The following ADAMTSL1 variants were observed in gnomAD, a reference collection of about 807,000 sequenced individuals.
The protein encoded by ADAMTSL1 is ADAMTS-like protein 1.
A neutral mutation model predicts 201.8 loss-of-function variants in ADAMTSL1; 126 were observed. The ratio of observed to expected loss-of-function variants is 0.62; its 90% confidence interval spans 0.54 to 0.72. The LOEUF (loss-of-function observed/expected upper bound fraction) is 0.72, where lower values mean the gene tolerates loss of function less well. Among genes scored for constraint, ADAMTSL1 ranks in the 30% least tolerant of loss-of-function variants. ADAMTSL1 has a pLI of 0.00. For synonymous variants in ADAMTSL1, 1,121 were observed against 903.4 expected (o/e 1.24, Z -4.32); for missense variants, 2,679 against 2,277.8 (o/e 1.18, Z -3.59).
chr9:18,397,685 C>A (rs922210783), intron 2 of ADAMTSL1, among the ~76,000 whole-genome samples: 1 of 152,056 alleles, frequency 6.6e-6, no homozygotes, highest in Non-Finnish European at 1.5e-5. Flanking sequence ...TAGGACATAC[C>A]ACAATTTCAG....
intron 15 of ADAMTSL1, among the ~76,000 whole-genome samples, chr9:18,726,897 C>G (rs562851459): frequency 1.3e-5 from 2 of 152,342 alleles, no homozygotes; most frequent in Admixed American, 6.5e-5. Flanking sequence ...TGCCCTCCCC[C>G]TGCCCCAGCC....
At chr9:18,471,015 G>A (rs573951325), upstream of ADAMTSL1, among the ~76,000 whole-genome samples, 3 of 152,296 alleles carry the variant, frequency 2.0e-5, no homozygotes, top group Admixed American at 6.5e-5. Flanking sequence ...CTCAGATGCC[G>A]TAAGTGGCCT....
At chr9:18,061,145 A>T (rs914322744) in intron 1 of ADAMTSL1, among the ~76,000 whole-genome samples, 2 of 152,186 alleles carry the variant, frequency 1.3e-5, no homozygotes, top group African/African-American at 4.8e-5. Flanking sequence ...TAGAAAAAAG[A>T]GCCATGACTT....
At chr9:18,159,685 T>G (rs1469349795) in intron 1 of ADAMTSL1, among the ~76,000 whole-genome samples, 2 of 151,984 alleles carry the variant, frequency 1.3e-5, no homozygotes, top group Non-Finnish European at 2.9e-5. Flanking sequence ...AGGGGAAATT[T>G]TTATCTTTTA....
intron 1 of ADAMTSL1, among the ~76,000 whole-genome samples, chr9:18,100,763 C>G (rs999585912): frequency 6.6e-6 from 1 of 152,184 alleles, no homozygotes; most frequent in Non-Finnish European, 1.5e-5. Context: ...CACTTCATAC[C>G]TTACCAGGAT....
In ADAMTSL1 at chr9:18,504,929, ACT is replaced by A. The variant is rs770264028; in HGVS notation, c.169_170del (p.Leu57GlufsTer10). 6.2e-7 allele frequency: 1 copy of A among 1,610,524 alleles called. No homozygotes were observed. The highest frequency in any genetic ancestry group is 1.3e-5 in the African/African-American group (1 of 74,604). On this transcript the variant is annotated frameshift_variant, in exon 2 of 29. Coordinates refer to ENST00000380548, the MANE Select transcript of ADAMTSL1 (RefSeq NM_001040272.6). LOFTEE classifies it high-confidence loss of function. ...CGCACCTGCGGGGGTGGGGCCTCCTACTCTCTGAGGCGCTGCCTGAGCAGCAA... is the reference window on the plus strand; with the variant it reads ...CGCACCTGCGGGGGTGGGGCCTCCTACTCTGAGGCGCTGCCTGAGCAGCAA...
At chr9:18,432,395 G>A (rs1016006062) in intron 2 of ADAMTSL1, among the ~76,000 whole-genome samples, 5 of 152,152 alleles carry the variant, frequency 3.3e-5, no homozygotes, top group Admixed American at 1.3e-4. Context: ...AGAATCTTAT[G>A]TAGCTTACAT....
chr9:18,346,821 C>T (rs937016434), intron 2 of ADAMTSL1, among the ~76,000 whole-genome samples: 5 of 152,158 alleles, frequency 3.3e-5, no homozygotes, highest in African/African-American at 4.8e-5. Flanking sequence ...TACCACCACA[C>T]CCTGCCTCTT....
intron 1 of ADAMTSL1, among the ~76,000 whole-genome samples, chr9:18,160,466 G>GT (rs1827333891): frequency 6.6e-6 from 1 of 151,918 alleles, no homozygotes; most frequent in Non-Finnish European, 1.5e-5. Flanking sequence ...TCATGCTTCT[G>GT]TTTTCTCTCT....
intron 1 of ADAMTSL1, among the ~76,000 whole-genome samples, chr9:18,027,989 A>G (rs1820773393): frequency 6.6e-6 from 1 of 152,048 alleles, no homozygotes; most frequent in African/African-American, 2.4e-5. Flanking sequence ...CTTTTTTACT[A>G]TTCTTGGTTT....
rs552326782 is a variant in ADAMTSL1 at position 17,941,777 on chromosome 9, A to G, written c.87+34855A>G. 2.6e-5 allele frequency among the ~76,000 whole-genome samples: 4 copies of G among 152,300 alleles called. No individual in the cohort carries two copies. The South Asian group carries it at 8.3e-4, about 32-fold the overall frequency. On this transcript the variant is annotated intron_variant, in intron 1 of 29. Transcript: ENST00000680146. ...TTGTAGACTTGTTGGCTTACAAGCAACAGAAATTTATTTCTCACAGTTCTA... is the reference window on the plus strand; with the variant it reads ...TTGTAGACTTGTTGGCTTACAAGCAGCAGAAATTTATTTCTCACAGTTCTA...
At chr9:18,700,817 T>C (rs1341147015) in intron 13 of ADAMTSL1, among the ~76,000 whole-genome samples, 1 of 152,198 alleles carries the variant, frequency 6.6e-6, no homozygotes, top group Non-Finnish European at 1.5e-5. Flanking sequence ...TTGTTAATGA[T>C]AAGATTTTTA....
intron 5 of ADAMTSL1, among the ~76,000 whole-genome samples, chr9:18,627,365 A>T (rs1826456860): frequency 1.3e-5 from 2 of 152,206 alleles, no homozygotes. Flanking sequence ...ATGGCTAATA[A>T]TGTTAACATC....
chr9:18,751,502 G>A (rs930524756), intron 15 of ADAMTSL1, among the ~76,000 whole-genome samples: 2 of 152,166 alleles, frequency 1.3e-5, no homozygotes, highest in African/African-American at 4.8e-5. Context: ...TTGTTCTGGA[G>A]GCAATTAAAT....
chr9:18,101,368 T>G (rs942402566), intron 1 of ADAMTSL1, among the ~76,000 whole-genome samples: 1 of 151,740 alleles, frequency 6.6e-6, no homozygotes, highest in Non-Finnish European at 1.5e-5. Context: ...CGTGGTGGCA[T>G]GTGCCTGTAA....
intron 1 of ADAMTSL1, among the ~76,000 whole-genome samples, chr9:18,045,715 C>T (rs1241622270): frequency 1.3e-5 from 2 of 151,498 alleles, no homozygotes; most frequent in East Asian, 3.9e-4. Context: ...ATGGATCAGG[C>T]TATCTGGCTT....
At chr9:18,262,389 G>A (rs959668773) in intron 2 of ADAMTSL1, among the ~76,000 whole-genome samples, 3 of 152,168 alleles carry the variant, frequency 2.0e-5, no homozygotes, top group Non-Finnish European at 2.9e-5. Flanking sequence ...TCAAGAGAAC[G>A]TGAAAATCCA....
intron 7 of ADAMTSL1, among the ~76,000 whole-genome samples, chr9:18,649,435 C>T (rs557774693): frequency 6.6e-6 from 1 of 152,232 alleles, no homozygotes; most frequent in African/African-American, 2.4e-5. Context: ...TGGTGAGGAG[C>T]TGCATTCCTT....
At chr9:18,210,363 A>G (rs984825041) in intron 2 of ADAMTSL1, among the ~76,000 whole-genome samples, 3 of 144,430 alleles carry the variant, frequency 2.1e-5, no homozygotes, top group Admixed American at 7.2e-5. Context: ...AGCTTTAAAT[A>G]GAAGTCAAAG....
Sources: gnomAD v4.1 joint callset for allele counts (sites outside exome capture counted in the v4.1 genomes callset) on GRCh38, gnomAD v4.1.1 for gene constraint, MANE v1.5 for transcripts, NCBI Gene and HGNC (gene_info 2026-07-23, HGNC 2026-07-21) for gene names.